Variants in FBXO5 observed in about 807,000 individuals in gnomAD.
The protein encoded by FBXO5 is F-box protein 5.
A neutral mutation model predicts 43.3 loss-of-function variants in FBXO5; 8 were observed. That is an observed-to-expected ratio of 0.18 (90% CI 0.11 to 0.33). FBXO5 has a LOEUF of 0.33. Ranked by LOEUF, FBXO5 falls within the 10% of genes least tolerant of loss-of-function variation. FBXO5 has a pLI of 1.00. For synonymous variants in FBXO5, 204 were observed against 193.7 expected (o/e 1.05, Z -0.44); for missense variants, 491 against 535.7 (o/e 0.92, Z 0.82).
rs1338176421 is a variant in FBXO5 at position 152,971,376 on chromosome 6, G to C, written c.1131C>G (p.Ala377=). Residue 377 remains alanine, a synonymous_variant, in exon 5 of 5, where the codon GCC becomes GCG. Coordinates refer to ENST00000229758, the MANE Select transcript of FBXO5 (RefSeq NM_012177.5). ...KTLKKNESLK[A]CIRCNSPAKY... Reference sequence around the variant, plus strand: ...TTGCAGGTGAATTACAGCGAATACAGGCTTTGAGGCTTTCGTTCTTTTTCA... The same window carrying C: ...TTGCAGGTGAATTACAGCGAATACACGCTTTGAGGCTTTCGTTCTTTTTCA... 6.2e-7 allele frequency: 1 copy of C among 1,609,766 alleles called. No individual in the cohort carries two copies. The highest frequency in any genetic ancestry group is 8.5e-7 in the Non-Finnish European group (1 of 1,178,812).
rs745567094 is a variant in FBXO5, at chr6:152,974,993, T to G, written c.732A>C (p.Val244=). The G allele has an allele frequency of 1.2e-6, 2 of 1,614,102 alleles. No homozygotes were observed. Among genetic ancestry groups the G allele is most frequent in the South Asian group, 2.2e-5 (2 of 91,060 alleles). Residue 244 remains valine, a synonymous_variant, in exon 2 of 5, where the codon GTA becomes GTC. Transcript: ENST00000229758. ...IIGRKMGLEC[V]DILSELFRRG... ...TTCGAAAGAGTTCGCTGAGAATATCTACACATTCTAGGCCCATTTTTCTGC... is the reference window on the plus strand; with the variant it reads ...TTCGAAAGAGTTCGCTGAGAATATCGACACATTCTAGGCCCATTTTTCTGC...
intron 1 of FBXO5, 29 bp downstream of exon 1, chr6:152,982,827 GC>G (rs1554229876): frequency 4.2e-6 from 6 of 1,435,010 alleles, no homozygotes; most frequent in South Asian, 2.6e-5. Context: ...TGGCGTGCGC[GC>G]CCCCCTCGCG....
chr6:152,980,152 A>G (rs965486248), intron 1 of FBXO5, among the ~76,000 whole-genome samples: 1 of 152,256 alleles, frequency 6.6e-6, no homozygotes, highest in African/African-American at 2.4e-5. Context: ...TGAAGTATTC[A>G]TATAATTATT....
Position 152,975,058 on chromosome 6 carries a change from T to C in FBXO5, c.667A>G (p.Ile223Val), listed in dbSNP as rs761018036. 2.0e-5 allele frequency: 32 copies of C among 1,614,200 alleles called. No individual in the cohort carries two copies. Among genetic ancestry groups the C allele is most frequent in the Non-Finnish European group, 2.6e-5 (31 of 1,180,032 alleles). ...AGTCTAAAATTTCCTCTGGCTATAA[T>C]TTCCTTCAGCATCTCCCGATCTACT... ...PKVDREMLKE[I>V]IARGNFRLQN... Residue 223 changes from isoleucine (I) to valine (V), a missense_variant, in exon 2 of 5, where the codon ATT (isoleucine) becomes GTT (valine). Ile to Val is a conservative substitution (Grantham distance 29). Transcript: ENST00000229758.
chr6:152,975,473 T>C lies in FBXO5; in HGVS notation c.252A>G (p.Lys84=), dbSNP rs1350825064. 5 of 1,614,120 alleles carry C rather than the reference T, an allele frequency of 3.1e-6. No individual in the cohort carries two copies. The Admixed American group carries it at 8.3e-5, about 27-fold the overall frequency. ...YTPAYLEGSC[K]DCIKDYERLS... ...GCCTTTCATAGTCTTTAATGCAGTC[T>C]TTACAGGAACCTTCCAAATATGCAG... Residue 84 remains lysine (K), a synonymous_variant, in exon 2 of 5, where the codon AAA becomes AAG. Transcript: ENST00000229758.
intron 1 of FBXO5, among the ~76,000 whole-genome samples, chr6:152,981,200 G>A (rs1033524568): frequency 3.1e-4 from 47 of 152,092 alleles, no homozygotes; most frequent in Admixed American, 3.0e-3. Flanking sequence ...ACACTAATAA[G>A]ACTCATACAT....
At chr6:152,978,915 C>T (rs746771409) in intron 1 of FBXO5, among the ~76,000 whole-genome samples, 5 of 151,426 alleles carry the variant, frequency 3.3e-5, no homozygotes, top group Non-Finnish European at 7.4e-5. Context: ...TGCTTGAGCC[C>T]GGGAGGTTGA....
chr6:152,974,365 C>G (rs1200712153), intron 2 of FBXO5, among the ~76,000 whole-genome samples: 1 of 152,116 alleles, frequency 6.6e-6, no homozygotes, highest in Admixed American at 6.5e-5. Context: ...GACATGTAGA[C>G]TGGAACTAGG....
chr6:152,973,354 G>C, intron 2 of FBXO5: 1 of 503,478 alleles, frequency 2.0e-6, no homozygotes. Flanking sequence ...GTAATTCTGA[G>C]TGCATTGAGG....
At chr6:152,979,814 C>T (rs1455427718) in intron 1 of FBXO5, among the ~76,000 whole-genome samples, 2 of 152,100 alleles carry the variant, frequency 1.3e-5, no homozygotes, top group African/African-American at 4.8e-5. Context: ...TTTGAACATC[C>T]CTTACTTTCT....
chr6:152,982,009 C>T (rs1372606482), intron 1 of FBXO5, among the ~76,000 whole-genome samples: 2 of 152,210 alleles, frequency 1.3e-5, no homozygotes, highest in African/African-American at 4.8e-5. Flanking sequence ...ACCAATTCTT[C>T]GATTCTTACA....
rs1020356129 is a variant in FBXO5, at chr6:152,982,719, C to A, written c.103+138G>T. 12 of 550,890 alleles carry A rather than the reference C, an allele frequency of 2.2e-5. 1 individual carries two copies. Among genetic ancestry groups the A allele is most frequent in the African/African-American group, 1.8e-4 (9 of 50,482 alleles). The allele number at this position is 550,890 out of a possible 1,614,324, so 34.1% of individuals were successfully genotyped here. A position where few individuals can be genotyped will look rare whatever the true frequency, so the allele number is the denominator to read the frequency against. On this transcript the variant is annotated intron_variant, in intron 1 of 4. Transcript: ENST00000229758. ...TCCTCCCGGACCCAGGAACCGCTGCCGCCGCCCGAGGCCGGGCGTGTGGCA... is the reference window on the plus strand; with the variant it reads ...TCCTCCCGGACCCAGGAACCGCTGCAGCCGCCCGAGGCCGGGCGTGTGGCA...
intron 1 of FBXO5, among the ~76,000 whole-genome samples, chr6:152,981,434 T>C (rs1778255824): frequency 6.6e-6 from 1 of 152,214 alleles, no homozygotes; most frequent in African/African-American, 2.4e-5. Context: ...TGGTCAACGT[T>C]AGGCATGGCT....
upstream of FBXO5, chr6:152,983,114 C>G (rs1778293198): frequency 2.3e-6 from 1 of 436,030 alleles, no homozygotes; most frequent in South Asian, 5.5e-5. Flanking sequence ...TCCAATGAGA[C>G]GCGTCGCTTG....
intron 4 of FBXO5, 110 bp from the exon 5 acceptor site, chr6:152,971,524 C>G: frequency 9.4e-7 from 1 of 1,058,806 alleles, no homozygotes; most frequent in South Asian, 1.6e-5. Flanking sequence ...TATGAAATAT[C>G]ACTGTCACAC....
chr6:152,976,233 T>C (rs1396337520), intron 1 of FBXO5, among the ~76,000 whole-genome samples: 1 of 152,190 alleles, frequency 6.6e-6, no homozygotes, highest in Non-Finnish European at 1.5e-5. Flanking sequence ...TTAACAATGA[T>C]TGCAAGCCTT....
rs1200065340 is a variant in FBXO5 at position 152,973,102 on chromosome 6, G to A, written c.853C>T (p.Leu285=). The A allele has an allele frequency of 1.2e-6, 2 of 1,613,790 alleles. No individual in the cohort carries two copies. Among genetic ancestry groups the A allele is most frequent in the East Asian group, 4.5e-5 (2 of 44,820 alleles). Residue 285 remains leucine (L), a synonymous_variant, in exon 3 of 5, where the codon CTA becomes TTA. Transcript: ENST00000229758. ...SKVSTTWKKI[L]EDDKGAFQLY... ...TGGAATGCCCCCTTATCATCTTCTA[G>A]GATCTTCTTCCAAGTTGTGCTCACT...
At chr6:152,975,980 TGAA>T (rs2129093805) in intron 1 of FBXO5, among the ~76,000 whole-genome samples, 1 of 152,180 alleles carries the variant, frequency 6.6e-6, no homozygotes, top group East Asian at 1.9e-4. Context: ...ATGGAACAAA[TGAA>T]GAAATGTGAT....
In FBXO5 at chr6:152,973,389, T is replaced by C. The variant is rs1778116483; in HGVS notation, c.819-253A>G. 1.8e-5 allele frequency: 7 copies of C among 386,078 alleles called. No individual in the cohort carries two copies. The Admixed American group carries it at 2.7e-4, about 15-fold the overall frequency. The allele number at this position is 386,078 out of a possible 1,614,324, so 23.9% of individuals were successfully genotyped here. A position where few individuals can be genotyped will look rare whatever the true frequency, so the allele number is the denominator to read the frequency against. ...GCTTAAGAACCACTGCTTTGTACAG[T>C]ATTTTTTCACAATATCTGCAAACAT... On this transcript the variant is annotated intron_variant, in intron 2 of 4. Transcript: ENST00000229758.
Sources: gnomAD v4.1 joint callset for allele counts (sites outside exome capture counted in the v4.1 genomes callset) on GRCh38, gnomAD v4.1.1 for gene constraint, MANE v1.5 for transcripts, NCBI Gene and HGNC (gene_info 2026-07-23, HGNC 2026-07-21) for gene names.